The following TYK2 variants were observed in gnomAD, a reference collection of about 807,000 sequenced individuals.
The protein encoded by TYK2 is non-receptor tyrosine-protein kinase TYK2.
In TYK2, 65 loss-of-function variants were observed where a neutral mutation model predicts 130.9. The observed-to-expected ratio is 0.50, with a 90% CI of 0.41 to 0.61. TYK2 has a LOEUF of 0.61. Ranked by LOEUF, TYK2 falls within the 20% of genes least tolerant of loss-of-function variation. The probability of loss-of-function intolerance (pLI) is 0.00; values close to 1 mark genes in which losing one functional copy is unlikely to be tolerated. For synonymous variants in TYK2, 647 were observed against 658.9 expected (o/e 0.98, Z 0.28); for missense variants, 1,378 against 1,610.7 (o/e 0.86, Z 2.47).
At chr19:10,362,205 G>C in intron 11 of TYK2, 24 bp from the exon 12 acceptor site, 1 of 1,613,938 alleles carries the variant, frequency 6.2e-7, no homozygotes, top group Non-Finnish European at 8.5e-7. Flanking sequence ...TCAAGTCATG[G>C]AGGGCGGGCC....
In TYK2 at chr19:10,357,715, T is replaced by C. The variant is rs748081982; in HGVS notation, c.2466+49A>G. 2.1e-5 allele frequency: 33 copies of C among 1,559,754 alleles called. No homozygotes were observed. The East Asian group carries it at 2.6e-4, about 12-fold the overall frequency. On this transcript the variant is annotated intron_variant, in intron 17 of 24. Coordinates refer to ENST00000525621, the MANE Select transcript of TYK2 (RefSeq NM_003331.5). ...GCTCTGATTCTGTCCTCTGGATTTCTTGGAGGGGCCCCCACTGCGGGGAGG... is the reference window on the plus strand; with the variant it reads ...GCTCTGATTCTGTCCTCTGGATTTCCTGGAGGGGCCCCCACTGCGGGGAGG...
chr19:10,360,683 C>G (rs1451965343), intron 14 of TYK2, among the ~76,000 whole-genome samples: 1 of 150,962 alleles, frequency 6.6e-6, no homozygotes, highest in Non-Finnish European at 1.5e-5. Context: ...GATGCACACA[C>G]ACACACACAC....
intron 3 of TYK2, among the ~76,000 whole-genome samples, chr19:10,372,899 A>G (rs1417366469): frequency 6.6e-6 from 1 of 151,796 alleles, no homozygotes; most frequent in Non-Finnish European, 1.5e-5. Flanking sequence ...TTTTAGATGG[A>G]GTCACCCAGA....
rs757581005 is a variant in TYK2, at chr19:10,368,150, G to A, written c.370C>T (p.Arg124Cys). The A allele has an allele frequency of 8.7e-6, 14 of 1,613,946 alleles. No homozygotes were observed. Among genetic ancestry groups the A allele is most frequent in the Non-Finnish European group, 1.2e-5 (14 of 1,180,006 alleles). Residue 124 changes from arginine to cysteine, a missense_variant, in exon 5 of 25, where the codon CGT becomes TGT. By Grantham distance (180) the Arg-to-Cys change is radical. Coordinates refer to ENST00000525621, the MANE Select transcript of TYK2 (RefSeq NM_003331.5). Reference protein sequence around the residue: ...GMNPREPAVYRCGPPGTEASS... With the variant: ...GMNPREPAVYCCGPPGTEASS... ...GCCTCGGTTCCTGGGGGCCCACAAC[G>A]GTACACAGCCGGTTCCCGAGGATTC...
At position 10,356,459 on chromosome 19, in the gene TYK2, C is replaced by T. The variant is rs2041105843; in HGVS notation, c.2617+109G>A. 5.6e-6 allele frequency: 8 copies of T among 1,419,634 alleles called. No homozygotes were observed. In the Admixed American group the frequency reaches 1.3e-4, roughly 22 times the overall value. 87.9% of individuals were successfully genotyped at this position (1,419,634 alleles called of 1,614,324 possible). On this transcript the variant is annotated intron_variant, in intron 18 of 24. Transcript: ENST00000525621. ...TATGAATGCCACTGCAAGAAATTGG[C>T]ACACACCCTGAACCACTGTGCAGAG...
intron 3 of TYK2, chr19:10,369,636 G>A (rs987472286): frequency 2.3e-6 from 1 of 425,612 alleles, no homozygotes; most frequent in African/African-American, 2.0e-5. Context: ...ATGTCCTGGG[G>A]CTCCATCCAC....
intron 3 of TYK2, among the ~76,000 whole-genome samples, chr19:10,377,486 G>A (rs1599368027): frequency 7.7e-6 from 1 of 129,334 alleles, no homozygotes. Flanking sequence ...GTGGATGGAT[G>A]GATGCATGGA....
In TYK2 at chr19:10,368,344, T is replaced by C; in HGVS notation, c.268A>G (p.Ile90Val). 1.2e-6 allele frequency: 2 copies of C among 1,614,032 alleles called. No homozygotes were observed. Among genetic ancestry groups the C allele is most frequent in the Non-Finnish European group, 1.7e-6 (2 of 1,180,008 alleles). The change falls in exon 4 of 25, where the codon ATC becomes GTC. Residue 90 changes from isoleucine to valine, a missense_variant. Ile to Val is a conservative substitution (Grantham distance 29). Transcript: ENST00000525621. ...CTTGCATCTCTGGGGATCTCTAGGATGTGGTTTGGGGGCAACCAGACTTGG... is the reference window on the plus strand; with the variant it reads ...CTTGCATCTCTGGGGATCTCTAGGACGTGGTTTGGGGGCAACCAGACTTGG... Reference protein sequence around the residue: ...QAQVWLPPNHILEIPRDASLM... With the variant: ...QAQVWLPPNHVLEIPRDASLM...
At chr19:10,374,754 G>A (rs1453177256) in intron 3 of TYK2, among the ~76,000 whole-genome samples, 1 of 151,212 alleles carries the variant, frequency 6.6e-6, no homozygotes. Flanking sequence ...GTGGTGGCAG[G>A]CGCCTGTAAT....
chr19:10,365,537 C>T lies in TYK2; in HGVS notation c.991G>A (p.Glu331Lys), dbSNP rs1330626259. The stretch of plus-strand genomic sequence containing the variant: ...CTCACCTCCTCCTTGTTCACCTCCT[C>T]CTCTACTGGCCACCACTGGATGCCA... ...TGGIQWWPVE[E>K]EVNKEEGSSG... The change falls in exon 7 of 25, where the codon GAG (glutamate) becomes AAG (lysine). Residue 331 changes from glutamate (E) to lysine (K), a missense_variant. Coordinates refer to ENST00000525621, the MANE Select transcript of TYK2 (RefSeq NM_003331.5). The T allele has an allele frequency of 1.9e-6, 3 of 1,613,992 alleles. No homozygotes were observed. Among genetic ancestry groups the T allele is most frequent in the African/African-American group, 1.3e-5 (1 of 74,910 alleles).
chr19:10,371,636 C>CA (rs570439632), intron 3 of TYK2, among the ~76,000 whole-genome samples: 81 of 142,144 alleles, frequency 5.7e-4, no homozygotes, highest in East Asian at 2.0e-3. Flanking sequence ...AACTCTGTCT[C>CA]AAAAAAAAAA....
At chr19:10,368,266 G>C in intron 4 of TYK2, 29 bp downstream of exon 4, 1 of 1,614,146 alleles carries the variant, frequency 6.2e-7, no homozygotes, top group South Asian at 1.1e-5. Flanking sequence ...GCACAGGAGG[G>C]GACGAGCTTT....
At chr19:10,354,445 T>C in intron 19 of TYK2, 67 bp downstream of exon 19, 1 of 1,518,778 alleles carries the variant, frequency 6.6e-7, no homozygotes. Flanking sequence ...AGGTAGGAAT[T>C]TATCCTCAAC....
At position 10,364,928 on chromosome 19, in the gene TYK2, A is replaced by G. The variant is rs746724395; in HGVS notation, c.1132T>C (p.Cys378Arg). The G allele has an allele frequency of 6.8e-6, 11 of 1,614,108 alleles. No individual in the cohort carries two copies. Among genetic ancestry groups the G allele is most frequent in the Admixed American group, 6.7e-5 (4 of 60,010 alleles). ...ACGTGGGTGATGTCCCGGAAGTCAC[A>G]GAAGTAGGCCCACAGTGGCTCCCGC... ...RPREPLWAYF[C>R]DFRDITHVVL... is the part of the protein sequence containing the mutation. The change falls in exon 8 of 25, where the codon TGT (cysteine) becomes CGT (arginine). Residue 378 changes from cysteine (C) to arginine (R), a missense_variant. Physicochemically the swap from Cys to Arg is radical, Grantham distance 180. Transcript: ENST00000525621. The surrounding 1 kb of genome is among the most constrained non-coding windows in gnomAD (Gnocchi z 4.9).
intron 17 of TYK2, 156 bp from the exon 18 acceptor site, chr19:10,356,874 G>T: frequency 2.6e-6 from 2 of 760,838 alleles, no homozygotes; most frequent in Non-Finnish European, 4.4e-6. Context: ...CAAAGTGGGA[G>T]GACGTGCTCA....
chr19:10,369,674 A>G (rs183329037), intron 3 of TYK2: 8 of 449,598 alleles, frequency 1.8e-5, no homozygotes, highest in Non-Finnish European at 2.7e-5. Context: ...CTCAACCCCA[A>G]TCCAGTCTCC....
At chr19:10,351,197 G>A in intron 23 of TYK2, 35 bp from the exon 24 acceptor site, 1 of 1,562,644 alleles carries the variant, frequency 6.4e-7, no homozygotes, top group South Asian at 1.1e-5. Flanking sequence ...TTTTCAAGAG[G>A]CAATGAAAGG....
At chr19:10,379,505 C>CAATAAATAAACAAATA (rs1555723256) in intron 2 of TYK2, 110 bp downstream of exon 2, 13 of 146,850 alleles carry the variant, frequency 8.9e-5, no homozygotes, top group African/African-American at 3.0e-4. Flanking sequence ...TACTAAAATA[C>CAATAAATAAACAAATA]AATAAATAAA....
chr19:10,373,952 C>A (rs1275503059), intron 3 of TYK2, among the ~76,000 whole-genome samples: 1 of 152,110 alleles, frequency 6.6e-6, no homozygotes, highest in East Asian at 1.9e-4. Context: ...ATCACCCGCA[C>A]ACCTGTCTGA....
Sources: gnomAD v4.1 joint callset for allele counts (sites outside exome capture counted in the v4.1 genomes callset) on GRCh38, gnomAD v4.1.1 for gene constraint, Gnocchi (gnomAD v3.1) non-coding constraint, MANE v1.5 for transcripts, NCBI Gene and HGNC (gene_info 2026-07-23, HGNC 2026-07-21) for gene names.